The following PROM2 variants were observed in gnomAD, a reference collection of about 807,000 sequenced individuals.
PROM2 encodes prominin-2.
PROM2 carries 90 observed loss-of-function variants against 110.2 expected under a neutral mutation model. The observed-to-expected ratio is 0.82, with a 90% confidence interval of 0.69 to 0.97. PROM2 has a LOEUF of 0.97. PROM2 is among the 50% of genes least tolerant of loss of function. PROM2 has a pLI of 0.00. For missense variants in PROM2, 1,009 were observed against 1,074.8 expected (o/e 0.94, Z 0.86); for synonymous variants, 470 against 467.8 (o/e 1.00, Z -0.06).
Position 95,279,133 on chromosome 2 carries a change from C to G in PROM2, c.1263C>G (p.Tyr421Ter). 7.6e-7 allele frequency: 1 copy of G among 1,322,692 alleles called. No individual in the cohort carries two copies. Among genetic ancestry groups the G allele is most frequent in the Non-Finnish European group, 9.9e-7 (1 of 1,015,104 alleles). The allele number at this position is 1,322,692 out of a possible 1,614,324, so 81.9% of individuals were successfully genotyped here. A position where few individuals can be genotyped will look rare whatever the true frequency, so the allele number is the denominator to read the frequency against. ...SRPYLQEVQR[Y>*]ETYRWIVGCV... is the part of the protein sequence containing the mutation. ...CCTACCTGCAGGAGGTGCAGAGATACGAGACCTACAGGTGCTGGGCACCGC... is the reference window on the plus strand; with the variant it reads ...CCTACCTGCAGGAGGTGCAGAGATAGGAGACCTACAGGTGCTGGGCACCGC... The change falls in exon 10 of 24, where the codon TAC becomes TAG. Residue 421 changes from tyrosine (Y) to a stop codon, truncating the protein, a stop_gained. Coordinates refer to ENST00000317620, the MANE Select transcript of PROM2 (RefSeq NM_001165978.3). LOFTEE classifies it high-confidence loss of function.
Position 95,276,681 on chromosome 2 carries a change from G to A in PROM2, c.682+24G>A, listed in dbSNP as rs371089027. ...TGGTGAGGGTCTCGGGGACTGGCAG[G>A]TGGGCTGGCTCCTTCCAGGGCCCCT... On this transcript the variant is annotated intron_variant, in intron 5 of 23. Coordinates refer to ENST00000317620, the MANE Select transcript of PROM2 (RefSeq NM_001165978.3). The surrounding 1 kb of genome is among the most constrained non-coding windows in gnomAD (Gnocchi z 4.6). The A allele has an allele frequency of 4.4e-4, 714 of 1,611,954 alleles. 6 individuals are homozygous for A. In the South Asian group the frequency reaches 7.4e-3, roughly 17 times the overall value.
chr2:95,278,654 T>G, intron 8 of PROM2, 67 bp from the exon 9 acceptor site: 1 of 1,594,296 alleles, frequency 6.3e-7, no homozygotes, highest in Non-Finnish European at 8.6e-7. Context: ...GCCTGGTGAC[T>G]TTGGGGTCTC....
In PROM2 at chr2:95,275,003, A is replaced by C; in HGVS notation, c.244+174A>C. The C allele has an allele frequency of 1.3e-6, 1 of 747,594 alleles. No individual in the cohort carries two copies. Among genetic ancestry groups the C allele is most frequent in the Non-Finnish European group, 2.0e-6 (1 of 496,494 alleles). 46.3% of individuals were successfully genotyped at this position (747,594 alleles called of 1,614,324 possible). The stretch of plus-strand genomic sequence containing the variant: ...CAGAACCTGCTGTGTGACTGTGGGT[A>C]AGCCTCACTTCCTCTCTGAGCCTCA... On this transcript the variant is annotated intron_variant, in intron 1 of 23. Coordinates refer to ENST00000317620, the MANE Select transcript of PROM2 (RefSeq NM_001165978.3). This position sits in a 1 kb window ranked among gnomAD's most constrained non-coding sequence, Gnocchi z 4.4.
At position 95,274,917 on chromosome 2, in the gene PROM2, A is replaced by G. The variant is rs981379964; in HGVS notation, c.244+88A>G. ...CCCACTCTACCATGGGATGTGCCCA[A>G]CCTACAAGCAGGCACTTGCCATCTT... On this transcript the variant is annotated intron_variant, in intron 1 of 23. Coordinates refer to ENST00000317620, the MANE Select transcript of PROM2 (RefSeq NM_001165978.3). 2.8e-6 allele frequency: 4 copies of G among 1,416,234 alleles called. No individual in the cohort carries two copies. In the African/African-American group the frequency reaches 4.4e-5, roughly 15 times the overall value. 87.7% of individuals were successfully genotyped at this position (1,416,234 alleles called of 1,614,324 possible).
Position 95,289,314 on chromosome 2 carries a change from C to T in PROM2, c.*101C>T, listed in dbSNP as rs1558751131. ...GCTCTTGCCCCAGAGCCCAGGCTGG[C>T]ATCCAGGCCTGGACTGTCCCCAGTT... On this transcript the variant is annotated 3_prime_UTR_variant, in exon 24 of 24. Coordinates refer to ENST00000317620, the MANE Select transcript of PROM2 (RefSeq NM_001165978.3). 2.2e-6 allele frequency: 1 copy of T among 446,342 alleles called. No homozygotes were observed. The highest frequency in any genetic ancestry group is 2.3e-5 in the South Asian group (1 of 44,052). 27.6% of individuals were successfully genotyped at this position (446,342 alleles called of 1,614,324 possible).
rs1338358898 is a variant in PROM2, at chr2:95,290,217, G to A, written c.*1004G>A. 3 of 152,364 alleles carry A rather than the reference G, an allele frequency of 2.0e-5. No individual in the cohort carries two copies. The highest frequency in any genetic ancestry group is 6.5e-5 in the Admixed American group (1 of 15,292). 9.4% of individuals were successfully genotyped at this position (152,364 alleles called of 1,614,324 possible). ...CTAGGGTCATCCCCAGCCCATCCCTGTGTCAGCCCTGAGTGCTGGACACTG... is the reference window on the plus strand; with the variant it reads ...CTAGGGTCATCCCCAGCCCATCCCTATGTCAGCCCTGAGTGCTGGACACTG... On this transcript the variant is annotated 3_prime_UTR_variant, in exon 24 of 24. Transcript: ENST00000317620.
chr2:95,280,313 T>G (rs1676976111), intron 11 of PROM2, among the ~76,000 whole-genome samples: 1 of 152,222 alleles, frequency 6.6e-6, no homozygotes, highest in Non-Finnish European at 1.5e-5. Context: ...CTAGACGGTC[T>G]CTAAGGCCAA....
intron 18 of PROM2, 66 bp downstream of exon 18, chr2:95,286,923 GC>G: frequency 1.3e-6 from 2 of 1,548,034 alleles, no homozygotes; most frequent in Non-Finnish European, 8.9e-7. Context: ...GGAAGTAGGA[GC>G]CCATCTCACT....
chr2:95,278,054 G>A (rs1343057705), intron 8 of PROM2, 50 bp downstream of exon 8: 2 of 1,499,268 alleles, frequency 1.3e-6, no homozygotes, highest in Non-Finnish European at 1.8e-6. Flanking sequence ...CCAAGTGAGG[G>A]CCTCTGTTTC....
chr2:95,284,319 A>T (rs1035778324), intron 14 of PROM2, among the ~76,000 whole-genome samples: 1 of 151,594 alleles, frequency 6.6e-6, no homozygotes, highest in African/African-American at 2.4e-5. Context: ...ACATGGGGAG[A>T]CCCTCCTCTA....
chr2:95,274,602 C>T lies in PROM2; in HGVS notation c.17C>T (p.Ala6Val). 6.3e-7 allele frequency: 1 copy of T among 1,594,296 alleles called. No homozygotes were observed. Among genetic ancestry groups the T allele is most frequent in the Non-Finnish European group, 8.6e-7 (1 of 1,167,758 alleles). Residue 6 changes from alanine to valine, a missense_variant, in exon 1 of 24, where the codon GCT becomes GTT. Coordinates refer to ENST00000317620, the MANE Select transcript of PROM2 (RefSeq NM_001165978.3). ...CCTGACCCCATGAAGCACACACTGG[C>T]TCTGCTGGCTCCCCTGCTGGGCCTG... Reference protein sequence around the residue: MKHTLALLAPLLGLGL... With the variant: MKHTLVLLAPLLGLGL...
rs1408343775 is a variant in PROM2, at chr2:95,277,966, G to T, written c.1012G>T (p.Gly338Cys). The T allele has an allele frequency of 6.2e-7, 1 of 1,612,252 alleles. No homozygotes were observed. Among genetic ancestry groups the T allele is most frequent in the Non-Finnish European group, 8.5e-7 (1 of 1,179,506 alleles). The change falls in exon 8 of 24, where the codon GGT becomes TGT. Residue 338 changes from glycine (G) to cysteine (C), a missense_variant. Transcript: ENST00000317620. ...SVDHVLHQLKGVPEANFSSMV... is the reference protein window; with the variant it reads ...SVDHVLHQLKCVPEANFSSMV... ...GGACCATGTCCTGCACCAGCTAAAA[G>T]GTGTCCCCGAGGCCAACTTCTCCAG...
Position 95,276,799 on chromosome 2 carries a change from C to T in PROM2, c.682+142C>T. ...GGTGGGGATCAGGCCGGCTGGAGAG[C>T]AAGAGTGGCCGCCACTCAGCTGCTG... On this transcript the variant is annotated intron_variant, in intron 5 of 23. Coordinates refer to ENST00000317620, the MANE Select transcript of PROM2 (RefSeq NM_001165978.3). This position sits in a 1 kb window ranked among gnomAD's most constrained non-coding sequence, Gnocchi z 4.6. The T allele has an allele frequency of 8.9e-7, 1 of 1,125,786 alleles. No individual in the cohort carries two copies. Among genetic ancestry groups the T allele is most frequent in the Non-Finnish European group, 1.3e-6 (1 of 771,060 alleles). The allele number at this position is 1,125,786 out of a possible 1,614,324, so 69.7% of individuals were successfully genotyped here.
chr2:95,285,803 G>A, intron 16 of PROM2, 93 bp downstream of exon 16: 1 of 1,244,274 alleles, frequency 8.0e-7, no homozygotes. Flanking sequence ...CAAAGGCAGG[G>A]AACTGAGGAC....
At chr2:95,284,782 C>T (rs1338973460) in intron 14 of PROM2, among the ~76,000 whole-genome samples, 187 bp from the exon 15 acceptor site, 2 of 152,218 alleles carry the variant, frequency 1.3e-5, no homozygotes, top group African/African-American at 4.8e-5. Flanking sequence ...GGATCCGCCC[C>T]CGTGATCTAG....
chr2:95,276,861 C>A lies in PROM2; in HGVS notation c.683-111C>A. On this transcript the variant is annotated intron_variant, in intron 5 of 23. Coordinates refer to ENST00000317620, the MANE Select transcript of PROM2 (RefSeq NM_001165978.3). The surrounding 1 kb of genome is among the most constrained non-coding windows in gnomAD (Gnocchi z 4.6). ...CGTGTCCCCGCTCCTTCACTCCCCT[C>A]CACCCCCCGGCTCCTGCAGAGCCCG... 1 of 1,243,134 alleles carries A rather than the reference C, an allele frequency of 8.0e-7. No individual in the cohort carries two copies. Among genetic ancestry groups the A allele is most frequent in the Non-Finnish European group, 1.1e-6 (1 of 877,642 alleles). 77.0% of individuals were successfully genotyped at this position (1,243,134 alleles called of 1,614,324 possible).
In PROM2 at chr2:95,279,057, C is replaced by T; in HGVS notation, c.1187C>T (p.Ala396Val). The change falls in exon 10 of 24, where the codon GCA becomes GTA. Residue 396 changes from alanine (A) to valine (V), a missense_variant. Coordinates refer to ENST00000317620, the MANE Select transcript of PROM2 (RefSeq NM_001165978.3). ...GCTGAAGGGTTCCCGGGCTTGGAGG[C>T]AGCTTCCCGCTGGGCCCAGGCACTG... ...TLAEGFPGLE[A>V]ASRWAQALQE... 1 of 1,612,724 alleles carries T rather than the reference C, an allele frequency of 6.2e-7. No individual in the cohort carries two copies. Among genetic ancestry groups the T allele is most frequent in the African/African-American group, 1.3e-5 (1 of 75,010 alleles).
rs1676734409 is a variant in PROM2 at position 95,277,381 on chromosome 2, C to T, written c.790C>T (p.His264Tyr). The T allele has an allele frequency of 1.2e-6, 2 of 1,611,844 alleles. No homozygotes were observed. The highest frequency in any genetic ancestry group is 1.3e-5 in the African/African-American group (1 of 74,980). Residue 264 changes from histidine (H) to tyrosine (Y), a missense_variant, in exon 7 of 24, where the codon CAC becomes TAC. His to Tyr is a moderately conservative substitution (Grantham distance 83). Transcript: ENST00000317620. ...SLGQVLQVSV[H>Y]HLQTLNATVV... Reference sequence around the variant, plus strand: ...TCTCTCAGTCCTGCAGGTCTCCGTGCACCACCTGCAAACCTTGAATGCTAC... The same window carrying T: ...TCTCTCAGTCCTGCAGGTCTCCGTGTACCACCTGCAAACCTTGAATGCTAC...
chr2:95,279,806 C>T (rs769480987), intron 10 of PROM2, 39 bp from the exon 11 acceptor site: 1 of 1,381,946 alleles, frequency 7.2e-7, no homozygotes, highest in Admixed American at 2.8e-5. Context: ...GTGCCAGCCA[C>T]CTCCTTTCTT....
Sources: gnomAD v4.1 joint callset for allele counts (sites outside exome capture counted in the v4.1 genomes callset) on GRCh38, gnomAD v4.1.1 for gene constraint, Gnocchi (gnomAD v3.1) non-coding constraint, MANE v1.5 for transcripts, NCBI Gene and HGNC (gene_info 2026-07-23, HGNC 2026-07-21) for gene names.